Variants in USP9X observed in about 807,000 individuals in gnomAD.
USP9X encodes the protein ubiquitin carboxyl-terminal hydrolase 9X.
Under a neutral mutation model 190.3 loss-of-function variants are expected in USP9X, and 7 were observed. The ratio of observed to expected loss-of-function variants is 0.04; its 90% CI spans 0.02 to 0.07. USP9X has a LOEUF of 0.07. USP9X is among the 10% of genes least tolerant of loss of function. The pLI, the probability that USP9X is intolerant of heterozygous loss-of-function variation, is 1.00. For synonymous variants in USP9X, 645 were observed against 659.5 expected (o/e 0.98, Z 0.34); for missense variants, 1,010 against 1,916.9 (o/e 0.53, Z 8.83).
chrX:41,224,528 C>A (rs989008178), intron 39 of USP9X, among the ~76,000 whole-genome samples: 2 of 110,401 alleles, frequency 1.8e-5, no homozygotes, highest in Non-Finnish European at 1.9e-5. Context: ...CCCAGCTACT[C>A]GGAAGGCTGA....
intron 15 of USP9X, among the ~76,000 whole-genome samples, chrX:41,164,862 T>C (rs1232898862): frequency 8.9e-6 from 1 of 111,955 alleles, no homozygotes; most frequent in East Asian, 2.8e-4. Context: ...GCTTTAGGGC[T>C]TCTGAGTTAA....
chrX:41,196,401 T>C (rs1270817559), intron 27 of USP9X, 42 bp downstream of exon 27: 1 of 1,178,239 alleles, frequency 8.5e-7, no homozygotes, highest in Non-Finnish European at 1.1e-6. Context: ...GATTCATTCT[T>C]TAAGCAAGAA....
rs753207001 is a variant in USP9X, at chrX:41,128,655, AT to A, written c.97-342del. ...AGTCCCTGATATAAAATGGTTTAGT[AT>A]TTGAATATAACTCATGCACATCTTT... On this transcript the variant is annotated intron_variant, in intron 2 of 44. Coordinates refer to ENST00000378308, the MANE Select transcript of USP9X (RefSeq NM_001039591.3). Among the ~76,000 whole-genome samples, 3 of 112,120 alleles carry A rather than the reference AT, an allele frequency of 2.7e-5. No individual in the cohort carries two copies. In the South Asian group the frequency reaches 1.1e-3, roughly 41 times the overall value.
At chrX:41,127,378 GTTTT>G (rs932738024) in intron 2 of USP9X, among the ~76,000 whole-genome samples, 2 of 111,894 alleles carry the variant, frequency 1.8e-5, no homozygotes, top group South Asian at 3.7e-4. Context: ...TATATGGACA[GTTTT>G]TATTTACTCT....
At chrX:41,210,730 C>T (rs1162982581) in intron 33 of USP9X, 48 bp downstream of exon 33, 2 of 1,138,467 alleles carry the variant, frequency 1.8e-6, no homozygotes, top group Non-Finnish European at 2.3e-6. Flanking sequence ...CATGTATATA[C>T]TAACAGAAAT....
intron 1 of USP9X, among the ~76,000 whole-genome samples, chrX:41,106,528 T>A (rs1207527029): frequency 2.3e-5 from 2 of 87,971 alleles, no homozygotes; most frequent in Non-Finnish European, 4.5e-5. Context: ...ATTAATTTTT[T>A]TTTTTTTTTT....
intron 20 of USP9X, 116 bp from the exon 21 acceptor site, chrX:41,171,720 AAG>A (rs780743414): frequency 1.1e-6 from 1 of 891,939 alleles, no homozygotes; most frequent in Non-Finnish European, 1.6e-6. Flanking sequence ...GACTATTTCA[AAG>A]AGTAGAAATT....
chrX:41,169,846 G>C (rs1042615694), intron 18 of USP9X, 149 bp from the exon 19 acceptor site: 1 of 753,092 alleles, frequency 1.3e-6, no homozygotes, highest in Non-Finnish European at 1.9e-6. Context: ...TCATATAAGG[G>C]ATTCTCAAGC....
At chrX:41,098,540 A>G (rs764297997) in intron 1 of USP9X, among the ~76,000 whole-genome samples, 5 of 109,442 alleles carry the variant, frequency 4.6e-5, no homozygotes, top group Non-Finnish European at 7.6e-5. Context: ...TGCTCAATAC[A>G]TGATCACTAA....
At chrX:41,118,360 G>C (rs774087242) in intron 1 of USP9X, among the ~76,000 whole-genome samples, 1 of 110,196 alleles carries the variant, frequency 9.1e-6, no homozygotes, top group Non-Finnish European at 1.9e-5. Context: ...CTGGGTACCC[G>C]TGTACTTGGA....
chrX:41,116,404 G>T (rs1420702370), intron 1 of USP9X, among the ~76,000 whole-genome samples: 1 of 112,253 alleles, frequency 8.9e-6, no homozygotes, highest in East Asian at 2.8e-4. Context: ...GCTTGTTCTA[G>T]CCCTGCTAGG....
At chrX:41,207,731 C>T (rs1157280843) in intron 32 of USP9X, among the ~76,000 whole-genome samples, 2 of 111,021 alleles carry the variant, frequency 1.8e-5, no homozygotes, top group African/African-American at 3.3e-5. Flanking sequence ...GAGCGGGGAA[C>T]GAAGGGTCAC....
intron 14 of USP9X, among the ~76,000 whole-genome samples, chrX:41,160,880 TA>T (rs2062623590): frequency 8.9e-6 from 1 of 111,918 alleles, no homozygotes; most frequent in East Asian, 2.8e-4. Context: ...AAAAGGACGT[TA>T]TTGGGAAAAT....
intron 4 of USP9X, among the ~76,000 whole-genome samples, chrX:41,133,433 G>T (rs1026761738): frequency 9.0e-6 from 1 of 111,580 alleles, no homozygotes; most frequent in Admixed American, 9.5e-5. Context: ...CATACAATGC[G>T]TAATAATCAC....
intron 41 of USP9X, among the ~76,000 whole-genome samples, chrX:41,226,059 T>G (rs2063309247): frequency 8.9e-6 from 1 of 112,584 alleles, no homozygotes; most frequent in African/African-American, 3.2e-5. Context: ...TTTTTGCTGC[T>G]CTGTATATGT....
At chrX:41,110,777 G>A (rs1158982308) in intron 1 of USP9X, among the ~76,000 whole-genome samples, 5 of 112,123 alleles carry the variant, frequency 4.5e-5, no homozygotes, top group African/African-American at 1.6e-4. Context: ...ATAAGTTAAA[G>A]GCTGATTATG....
intron 21 of USP9X, among the ~76,000 whole-genome samples, chrX:41,179,947 A>G (rs1443069541): frequency 9.0e-6 from 1 of 111,678 alleles, no homozygotes; most frequent in Non-Finnish European, 1.9e-5. Context: ...CAGCTGTTTA[A>G]TGTGTTGCTT....
intron 3 of USP9X, among the ~76,000 whole-genome samples, chrX:41,130,465 CTTTTT>C (rs1205366670): frequency 1.0e-5 from 1 of 96,622 alleles, no homozygotes; most frequent in African/African-American, 4.0e-5. Context: ...TTTTTTTTTT[CTTTTT>C]TTCTTTTTTT....
intron 4 of USP9X, among the ~76,000 whole-genome samples, chrX:41,133,432 C>T (rs2062341939): frequency 9.0e-6 from 1 of 111,362 alleles, no homozygotes; most frequent in South Asian, 3.7e-4. Context: ...GCATACAATG[C>T]GTAATAATCA....
Sources: gnomAD v4.1 joint callset for allele counts (sites outside exome capture counted in the v4.1 genomes callset) on GRCh38, gnomAD v4.1.1 for gene constraint, MANE v1.5 for transcripts, NCBI Gene and HGNC (gene_info 2026-07-23, HGNC 2026-07-21) for gene names.